PEBP4: variants seen among roughly 807,000 people sequenced by gnomAD.
PEBP4 encodes phosphatidylethanolamine binding protein 4.
A neutral mutation model predicts 23.9 loss-of-function variants in PEBP4; 22 were observed. The observed-to-expected ratio is 0.92, with a 90% confidence interval of 0.66 to 1.31. The LOEUF is 1.31. Ranked by LOEUF, PEBP4 falls within the 40% of genes most tolerant of loss-of-function variation. The pLI, the probability that PEBP4 is intolerant of heterozygous loss-of-function variation, is 0.00. For synonymous variants in PEBP4, 112 were observed against 99.3 expected (o/e 1.13, Z -0.76); for missense variants, 324 against 281.7 (o/e 1.15, Z -1.07).
intron 3 of PEBP4, among the ~76,000 whole-genome samples, chr8:22,821,829 TA>T (rs1281653072): frequency 2.6e-5 from 4 of 151,568 alleles, no homozygotes; most frequent in Non-Finnish European, 4.4e-5. Flanking sequence ...ACTAAAAATA[TA>T]AAAAATTAGC....
At chr8:22,736,538 G>A (rs956221665) in intron 4 of PEBP4, among the ~76,000 whole-genome samples, 1 of 152,154 alleles carries the variant, frequency 6.6e-6, no homozygotes, top group East Asian at 1.9e-4. Flanking sequence ...CTGGGAATTC[G>A]AGGCTGTAGT....
At chr8:22,778,282 G>T (rs887391901) in intron 4 of PEBP4, among the ~76,000 whole-genome samples, 1 of 152,056 alleles carries the variant, frequency 6.6e-6, no homozygotes, top group Admixed American at 6.6e-5. Flanking sequence ...AACTGCCCCC[G>T]GTGGACAGAT....
rs77629926 is a variant in PEBP4 at position 22,730,628 on chromosome 8, T to G, written c.358-3408A>C. On this transcript the variant is annotated intron_variant, in intron 4 of 6. Transcript: ENST00000256404. The stretch of plus-strand genomic sequence containing the variant: ...GGGATGGATGAGATTCAAGGAAGTT[T>G]CAGGAGGTAAGAGGGAGAAACCTGT... 9.6e-3 allele frequency among the ~76,000 whole-genome samples: 1,467 copies of G among 152,298 alleles called. 20 individuals carry two copies. The highest frequency in any genetic ancestry group is 0.034 in the African/African-American group (1,402 of 41,558).
chr8:22,835,997 C>A (rs1235899315), intron 3 of PEBP4, among the ~76,000 whole-genome samples: 1 of 152,212 alleles, frequency 6.6e-6, no homozygotes, highest in Non-Finnish European at 1.5e-5. Context: ...CAGGGAAAAT[C>A]ATCTAAACAG....
intron 4 of PEBP4, among the ~76,000 whole-genome samples, chr8:22,809,238 A>G (rs1456333388): frequency 6.6e-6 from 1 of 152,208 alleles, no homozygotes; most frequent in African/African-American, 2.4e-5. Context: ...GTTTCCTCTT[A>G]TACAGACGAG....
chr8:22,894,239 T>G (rs932421330), intron 3 of PEBP4, among the ~76,000 whole-genome samples: 1 of 151,750 alleles, frequency 6.6e-6, no homozygotes, highest in Non-Finnish European at 1.5e-5. Flanking sequence ...CTGCCAGAAG[T>G]GGGAAAAGTA....
At position 22,728,559 on chromosome 8, in the gene PEBP4, TCTTCCTTCCTTCCTTCCTTC is replaced by T. The variant is rs3029509; in HGVS notation, c.358-1359_358-1340del. ...TTCTTCCTTCCTTTCTTTCTTTCTT[TCTTCCTTCCTTCCTTCCTTC>T]CTTCCTTCCTTCCTTCCTTCCTTCC... On this transcript the variant is annotated intron_variant, in intron 4 of 6. Transcript: ENST00000256404. Among the ~76,000 whole-genome samples, 145 of 96,362 alleles carry T rather than the reference TCTTCCTTCCTTCCTTCCTTC, an allele frequency of 1.5e-3. 1 individual carries two copies. In the East Asian group the frequency reaches 0.025, roughly 17 times the overall value. The allele number at this position is 96,362 out of a possible 152,430, so 63.2% of individuals were successfully genotyped here.
intron 3 of PEBP4, among the ~76,000 whole-genome samples, chr8:22,822,083 G>A (rs767560808): frequency 6.6e-6 from 1 of 151,870 alleles, no homozygotes; most frequent in Non-Finnish European, 1.5e-5. Context: ...AAGGGATAAA[G>A]GTTGTGTCAG....
intron 4 of PEBP4, among the ~76,000 whole-genome samples, chr8:22,763,889 G>C (rs1805558956): frequency 6.6e-6 from 1 of 152,120 alleles, no homozygotes; most frequent in Admixed American, 6.5e-5. Context: ...GTGGTCTCTG[G>C]ATGCCAGGTG....
chr8:22,786,535 C>T (rs1033549795), intron 4 of PEBP4, among the ~76,000 whole-genome samples: 6 of 152,084 alleles, frequency 3.9e-5, no homozygotes, highest in East Asian at 3.9e-4. Flanking sequence ...GCTCCCACCT[C>T]GGCCTCCCAA....
intron 3 of PEBP4, among the ~76,000 whole-genome samples, chr8:22,844,316 C>T (rs983090627): frequency 1.3e-4 from 20 of 152,112 alleles, no homozygotes; most frequent in African/African-American, 3.1e-4. Flanking sequence ...CTCAGCTCAC[C>T]GCAACCTCTG....
intron 4 of PEBP4, among the ~76,000 whole-genome samples, chr8:22,809,531 G>C (rs1806573492): frequency 1.3e-5 from 2 of 152,152 alleles, no homozygotes; most frequent in South Asian, 4.2e-4. Flanking sequence ...TCATGAGTAG[G>C]CACGTAGGTT....
At chr8:22,858,888 A>G (rs961898598) in intron 3 of PEBP4, among the ~76,000 whole-genome samples, 5 of 152,096 alleles carry the variant, frequency 3.3e-5, no homozygotes, top group African/African-American at 1.2e-4. Flanking sequence ...CAGAGGTTGC[A>G]GTGAGCCAAG....
intron 3 of PEBP4, among the ~76,000 whole-genome samples, chr8:22,903,780 T>C (rs1023912647): frequency 6.6e-6 from 1 of 152,230 alleles, no homozygotes; most frequent in Non-Finnish European, 1.5e-5. Flanking sequence ...AGAATAGGCA[T>C]AGGAAAGTGC....
intron 3 of PEBP4, among the ~76,000 whole-genome samples, chr8:22,833,378 C>G (rs555993763): frequency 3.7e-4 from 56 of 152,330 alleles, no homozygotes; most frequent in African/African-American, 1.3e-3. Context: ...GTCACTCAGG[C>G]TGGAGTGCAG....
chr8:22,755,362 G>A (rs1215517029), intron 4 of PEBP4, among the ~76,000 whole-genome samples: 1 of 128,226 alleles, frequency 7.8e-6, no homozygotes, highest in Non-Finnish European at 1.6e-5. Flanking sequence ...TTGAGACGGA[G>A]TCATGCTCTG....
intron 4 of PEBP4, among the ~76,000 whole-genome samples, chr8:22,728,910 C>G (rs1003206749): frequency 2.0e-5 from 3 of 152,108 alleles, no homozygotes; most frequent in African/African-American, 7.2e-5. Context: ...GATCTCTTTC[C>G]TTTAACTTCC....
At chr8:22,755,156 G>A (rs1805351755) in intron 4 of PEBP4, among the ~76,000 whole-genome samples, 1 of 152,138 alleles carries the variant, frequency 6.6e-6, no homozygotes, top group South Asian at 2.1e-4. Flanking sequence ...ATTTAGTTGA[G>A]TCTTGCCTGG....
upstream of PEBP4, among the ~76,000 whole-genome samples, chr8:22,928,950 C>T (rs1809409523): frequency 6.6e-6 from 1 of 152,136 alleles, no homozygotes; most frequent in Non-Finnish European, 1.5e-5. Context: ...TAGCAAAAAG[C>T]CCCCCTTAGG....
Sources: allele counts gnomAD v4.1 joint callset (sites outside exome capture counted in the v4.1 genomes callset), GRCh38; gene constraint gnomAD v4.1.1; transcripts MANE v1.5; gene names NCBI Gene and HGNC (gene_info 2026-07-23, HGNC 2026-07-21).